CTNNA2: variants seen among roughly 807,000 people sequenced by gnomAD.
CTNNA2 encodes catenin alpha 2, also known as catenin alpha-2.
A neutral mutation model predicts 101.0 loss-of-function variants in CTNNA2; 42 were observed. The observed-to-expected ratio is 0.42, with a 90% CI of 0.32 to 0.54. The LOEUF is 0.54. Ranked by LOEUF, CTNNA2 falls within the 20% of genes least tolerant of loss-of-function variation. CTNNA2 has a pLI of 0.14. For missense variants in CTNNA2, 871 were observed against 1,223.1 expected, an observed-to-expected ratio of 0.71 and a Z score of 4.29; for synonymous variants, 450 against 456.4, an observed-to-expected ratio of 0.99 and a Z score of 0.18.
chr2:79,862,997 C>T (rs547823242), intron 4 of CTNNA2, among the ~76,000 whole-genome samples: 2 of 152,220 alleles, frequency 1.3e-5, no homozygotes. Flanking sequence ...TTTCTTTCTC[C>T]TCCTTACTGA....
chr2:79,587,724 C>T (rs188958207), intron 1 of CTNNA2, among the ~76,000 whole-genome samples: 102 of 152,298 alleles, frequency 6.7e-4, no homozygotes, highest in African/African-American at 2.3e-3. Context: ...AATGGGAGTC[C>T]AGCCCAAGAA....
chr2:79,256,406 T>G (rs1389792293), intron 2 of CTNNA2, among the ~76,000 whole-genome samples: 1 of 152,164 alleles, frequency 6.6e-6, no homozygotes, highest in African/African-American at 2.4e-5. Flanking sequence ...TGTTTGAATC[T>G]CCAGTGCCTG....
At chr2:79,608,519 T>C (rs1273772515) in intron 1 of CTNNA2, among the ~76,000 whole-genome samples, 2 of 152,044 alleles carry the variant, frequency 1.3e-5, no homozygotes, top group African/African-American at 4.8e-5. Flanking sequence ...AAACCAAGTG[T>C]ACCAGATTGA....
intron 18 of CTNNA2, among the ~76,000 whole-genome samples, chr2:80,638,544 C>G (rs1392299329): frequency 6.6e-6 from 1 of 152,144 alleles, no homozygotes; most frequent in Non-Finnish European, 1.5e-5. Flanking sequence ...TCCGAACTTT[C>G]CAAGGGCCAA....
chr2:79,982,543 G>A (rs966544604), intron 7 of CTNNA2, among the ~76,000 whole-genome samples: 1 of 148,018 alleles, frequency 6.8e-6, no homozygotes, highest in African/African-American at 2.5e-5. Context: ...TAGAAATGGG[G>A]TCTCTCCATG....
rs543961975 is a variant in CTNNA2, at chr2:79,881,821, T to G, written c.852+7479T>G. Among the ~76,000 whole-genome samples, 123 of 150,198 alleles carry G rather than the reference T, an allele frequency of 8.2e-4. 2 individuals carry two copies. The highest frequency in any genetic ancestry group is 1.5e-4 in the Non-Finnish European group (10 of 67,796). On this transcript the variant is annotated intron_variant, in intron 6 of 18. Transcript: ENST00000402739. Reference sequence around the variant, plus strand: ...GCCCATTTAAATTTAAACTTAGTATTGTTATGTGTGAATCTGATCCTGTCA... The same window carrying G: ...GCCCATTTAAATTTAAACTTAGTATGGTTATGTGTGAATCTGATCCTGTCA...
intron 3 of CTNNA2, among the ~76,000 whole-genome samples, chr2:79,322,118 A>G (rs1347297392): frequency 6.6e-6 from 1 of 152,234 alleles, no homozygotes; most frequent in Non-Finnish European, 1.5e-5. Flanking sequence ...AAGCTGTTTT[A>G]TAGGCAAGAG....
At chr2:79,296,373 C>T (rs1675980068) in intron 2 of CTNNA2, among the ~76,000 whole-genome samples, 1 of 152,150 alleles carries the variant, frequency 6.6e-6, no homozygotes, top group Non-Finnish European at 1.5e-5. Context: ...ATACATTATG[C>T]TTCAGGAAAG....
intron 7 of CTNNA2, among the ~76,000 whole-genome samples, chr2:79,997,680 T>C (rs1317860597): frequency 6.6e-6 from 1 of 152,216 alleles, no homozygotes; most frequent in Non-Finnish European, 1.5e-5. Context: ...TCCAGAAGAA[T>C]CTACACAGAA....
At chr2:80,528,691 A>T (rs1245248228) in intron 9 of CTNNA2, among the ~76,000 whole-genome samples, 1 of 152,100 alleles carries the variant, frequency 6.6e-6, no homozygotes, top group Non-Finnish European at 1.5e-5. Context: ...AAATAAATAA[A>T]TAAATAAATA....
intron 3 of CTNNA2, among the ~76,000 whole-genome samples, chr2:79,817,693 A>C: frequency 6.6e-6 from 1 of 152,320 alleles, no homozygotes; most frequent in African/African-American, 2.4e-5. Context: ...CGAGAACACG[A>C]GAGTTGTGCC....
At chr2:79,199,211 A>G (rs1280992260) in intron 2 of CTNNA2, among the ~76,000 whole-genome samples, 1 of 152,198 alleles carries the variant, frequency 6.6e-6, no homozygotes, top group East Asian at 1.9e-4. Context: ...AGAGGCTATA[A>G]CATGTGTGGC....
At chr2:79,762,382 T>A (rs1672851700) in intron 3 of CTNNA2, among the ~76,000 whole-genome samples, 1 of 152,004 alleles carries the variant, frequency 6.6e-6, no homozygotes, top group Non-Finnish European at 1.5e-5. Context: ...TTCAAGAAAA[T>A]CCTCCTGGTT....
intron 7 of CTNNA2, among the ~76,000 whole-genome samples, chr2:80,026,727 A>T (rs993119108): frequency 6.6e-6 from 1 of 152,224 alleles, no homozygotes; most frequent in African/African-American, 2.4e-5. Context: ...CTCTCATTTT[A>T]TAGTTTCTTA....
chr2:80,303,205 G>A lies in CTNNA2; in HGVS notation c.1057-90006G>A, dbSNP rs1676534997. The A allele has an allele frequency of 1.2e-6, 2 of 1,613,932 alleles. No individual in the cohort carries two copies. The highest frequency in any genetic ancestry group is 2.2e-5 in the East Asian group (1 of 44,856). ...GCTCGGTGAGCTTAAACAAGCCGGC[G>A]AAAGAGTTGCGCGCCAGACTCTTGA... On this transcript the variant is annotated intron_variant, in intron 7 of 18. Transcript: ENST00000402739. This position sits in a 1 kb window ranked among gnomAD's most constrained non-coding sequence, Gnocchi z 7.7.
intron 18 of CTNNA2, 24 bp from the exon 19 acceptor site, chr2:80,647,561 T>C: frequency 6.3e-7 from 1 of 1,575,670 alleles, no homozygotes; most frequent in Non-Finnish European, 8.6e-7. Context: ...AACCCACATG[T>C]ATCTCATTCT....
At chr2:79,541,005 G>T (rs1242670447) in intron 1 of CTNNA2, among the ~76,000 whole-genome samples, 1 of 151,934 alleles carries the variant, frequency 6.6e-6, no homozygotes, top group Non-Finnish European at 1.5e-5. Context: ...TGTTTTGATT[G>T]GTTTGCTTGT....
At chr2:80,341,881 T>A (rs1009470682) in intron 7 of CTNNA2, among the ~76,000 whole-genome samples, 1 of 152,104 alleles carries the variant, frequency 6.6e-6, no homozygotes, top group African/African-American at 2.4e-5. Context: ...GCCTGATGAA[T>A]AGAAAAGCAA....
chr2:80,618,524 G>T (rs1031663702), intron 17 of CTNNA2, among the ~76,000 whole-genome samples: 1 of 151,880 alleles, frequency 6.6e-6, no homozygotes, highest in Non-Finnish European at 1.5e-5. Context: ...ACAGTCAAAA[G>T]AGTTGCAATT....
Sources: gnomAD v4.1 joint callset for allele counts (sites outside exome capture counted in the v4.1 genomes callset) on GRCh38, gnomAD v4.1.1 for gene constraint, Gnocchi (gnomAD v3.1) non-coding constraint, MANE v1.5 for transcripts, NCBI Gene and HGNC (gene_info 2026-07-23, HGNC 2026-07-21) for gene names.